Variants in RAP2A observed in about 807,000 individuals in gnomAD.
The protein encoded by RAP2A is RAP2A, member of RAS oncogene family.
In RAP2A, 5 loss-of-function variants were observed where a neutral mutation model predicts 15.1. The ratio of observed to expected loss-of-function variants is 0.33; its 90% CI spans 0.17 to 0.70. The LOEUF is 0.70. RAP2A is among the 30% of genes least tolerant of loss of function. RAP2A has a pLI of 0.68. For synonymous variants in RAP2A, 110 were observed against 99.7 expected (o/e 1.10, Z -0.62); for missense variants, 111 against 240.3 (o/e 0.46, Z 3.56).
chr13:97,463,302 CATCTTA>C (rs2066756215), intron 1 of RAP2A, among the ~76,000 whole-genome samples: 1 of 152,196 alleles, frequency 6.6e-6, no homozygotes, highest in African/African-American at 2.4e-5. Context: ...TAGAGACAAT[CATCTTA>C]GGCACCAAAA....
chr13:97,452,912 T>C (rs1165580299), intron 1 of RAP2A, among the ~76,000 whole-genome samples: 1 of 151,424 alleles, frequency 6.6e-6, no homozygotes, highest in East Asian at 1.9e-4. Flanking sequence ...CTGTAAATGG[T>C]TCATTTTAAA....
chr13:97,440,184 A>G (rs2066651408), intron 1 of RAP2A, among the ~76,000 whole-genome samples: 1 of 152,144 alleles, frequency 6.6e-6, no homozygotes, highest in Non-Finnish European at 1.5e-5. Context: ...CAGTACCAAA[A>G]CTTAATTCAA....
rs2066771699 is a variant in RAP2A, at chr13:97,466,370, G to A, written c.*1928G>A. On this transcript the variant is annotated 3_prime_UTR_variant, in exon 2 of 2. Transcript: ENST00000245304. ...TCAATTATGAACCACCTTGTTTATA[G>A]GACAAAAAAATTTAACCAATTTTAT... 1 of 151,916 alleles carries A rather than the reference G, an allele frequency of 6.6e-6. No individual in the cohort carries two copies. Among genetic ancestry groups the A allele is most frequent in the Non-Finnish European group, 1.5e-5 (1 of 67,978 alleles). The allele number at this position is 151,916 out of a possible 1,614,324, so 9.4% of individuals were successfully genotyped here. A position where few individuals can be genotyped will look rare whatever the true frequency, so the allele number is the denominator to read the frequency against.
intron 1 of RAP2A, among the ~76,000 whole-genome samples, chr13:97,457,273 T>TAA (rs763234190): frequency 6.6e-6 from 1 of 151,780 alleles, no homozygotes; most frequent in Non-Finnish European, 1.5e-5. Context: ...TATATATATA[T>TAA]AATGCATACC....
At position 97,466,727 on chromosome 13, in the gene RAP2A, G is replaced by A. The variant is rs2066773229; in HGVS notation, c.*2285G>A. 1.3e-5 allele frequency: 2 copies of A among 152,190 alleles called. No individual in the cohort carries two copies. Among genetic ancestry groups the A allele is most frequent in the African/African-American group, 4.8e-5 (2 of 41,444 alleles). The allele number at this position is 152,190 out of a possible 1,614,324, so 9.4% of individuals were successfully genotyped here. A position where few individuals can be genotyped will look rare whatever the true frequency, so the allele number is the denominator to read the frequency against. Reference sequence around the variant, plus strand: ...CCTAAAATTTTGAGTTGTATTAATAGTTAAAAACATTTGTGTCAGATGACA... The same window carrying A: ...CCTAAAATTTTGAGTTGTATTAATAATTAAAAACATTTGTGTCAGATGACA... On this transcript the variant is annotated 3_prime_UTR_variant, in exon 2 of 2. Transcript: ENST00000245304.
intron 1 of RAP2A, among the ~76,000 whole-genome samples, chr13:97,440,283 T>C (rs2066651886): frequency 6.6e-6 from 1 of 152,100 alleles, no homozygotes; most frequent in South Asian, 2.1e-4. Context: ...AGGAAAAATT[T>C]TTAATAATAA....
At chr13:97,462,545 T>C (rs1016990707) in intron 1 of RAP2A, among the ~76,000 whole-genome samples, 1 of 152,220 alleles carries the variant, frequency 6.6e-6, no homozygotes, top group Admixed American at 6.5e-5. Flanking sequence ...TTGTGTCTTA[T>C]GTTCAGAGCT....
Position 97,464,557 on chromosome 13 carries a change from A to T in RAP2A, c.*115A>T. 1.0e-6 allele frequency: 1 copy of T among 959,046 alleles called. No individual in the cohort carries two copies. The highest frequency in any genetic ancestry group is 1.6e-6 in the Non-Finnish European group (1 of 619,512). 59.4% of individuals were successfully genotyped at this position (959,046 alleles called of 1,614,324 possible). On this transcript the variant is annotated 3_prime_UTR_variant, in exon 2 of 2. Transcript: ENST00000245304. ...GTGGTGTTAATCTACAGAGAACTGC[A>T]GCCCTTATTCAGAATTGAGCAGTGA...
At chr13:97,461,984 ATATATT>A (rs2066748539) in intron 1 of RAP2A, among the ~76,000 whole-genome samples, 2 of 144,216 alleles carry the variant, frequency 1.4e-5, no homozygotes, top group African/African-American at 2.5e-5. Flanking sequence ...ATATATATAT[ATATATT>A]TATATATTTA....
intron 1 of RAP2A, among the ~76,000 whole-genome samples, chr13:97,441,491 C>G (rs2066657395): frequency 6.6e-6 from 1 of 151,980 alleles, no homozygotes; most frequent in Admixed American, 6.6e-5. Context: ...TTACATATGG[C>G]ACAATAAGGT....
chr13:97,434,934 C>T, intron 1 of RAP2A, 150 bp downstream of exon 1: 1 of 1,221,046 alleles, frequency 8.2e-7, no homozygotes, highest in South Asian at 1.6e-5. Flanking sequence ...TCCTCCTCCT[C>T]AATCTCAAAT....
intron 1 of RAP2A, among the ~76,000 whole-genome samples, chr13:97,443,857 G>A (rs1171370911): frequency 6.6e-6 from 1 of 152,136 alleles, no homozygotes; most frequent in Non-Finnish European, 1.5e-5. Context: ...TATGTAATTA[G>A]GAGCAAGTTG....
At chr13:97,454,242 G>T (rs1256286904) in intron 1 of RAP2A, among the ~76,000 whole-genome samples, 2 of 150,938 alleles carry the variant, frequency 1.3e-5, no homozygotes, top group South Asian at 4.2e-4. Flanking sequence ...TGATAGCATG[G>T]ATGTAGGTCT....
rs79654949 is a variant in RAP2A, at chr13:97,459,956, A to G, written c.315-4249A>G. On this transcript the variant is annotated intron_variant, in intron 1 of 1. Coordinates refer to ENST00000245304, the MANE Select transcript of RAP2A (RefSeq NM_021033.7). ...GGATGGATAAGTACATGATGTATTG[A>G]TTGTTCGATTGTTCATTACTAGCTA... 3.2e-3 allele frequency among the ~76,000 whole-genome samples: 484 copies of G among 152,266 alleles called. 2 individuals are homozygous for G. Among genetic ancestry groups the G allele is most frequent in the Non-Finnish European group, 5.6e-3 (380 of 68,018 alleles).
intron 1 of RAP2A, among the ~76,000 whole-genome samples, chr13:97,445,834 A>T (rs1199980650): frequency 6.6e-6 from 1 of 152,196 alleles, no homozygotes; most frequent in Non-Finnish European, 1.5e-5. Flanking sequence ...TAATTATGGT[A>T]GGATGCCTCC....
intron 1 of RAP2A, among the ~76,000 whole-genome samples, chr13:97,448,686 G>T (rs374368556): frequency 1.3e-5 from 2 of 152,176 alleles, no homozygotes; most frequent in African/African-American, 4.8e-5. Context: ...ACCAAATTGT[G>T]GTTGGCCTGG....
chr13:97,460,869 G>A (rs2066743626), intron 1 of RAP2A, among the ~76,000 whole-genome samples: 2 of 152,134 alleles, frequency 1.3e-5, no homozygotes, highest in Admixed American at 6.5e-5. Flanking sequence ...TGGCTGCTTT[G>A]TTGTTTTTGA....
rs1198772557 is a variant in RAP2A, at chr13:97,467,877, AGTT to A, written c.*3439_*3441del. 1 of 152,656 alleles carries A rather than the reference AGTT, an allele frequency of 6.6e-6. No homozygotes were observed. Among genetic ancestry groups the A allele is most frequent in the African/African-American group, 2.4e-5 (1 of 41,452 alleles). The allele number at this position is 152,656 out of a possible 1,614,324, so 9.5% of individuals were successfully genotyped here. ...AAGTTTATTGTTTTGTAACAATGTC[AGTT>A]GTTAAACCTTGACATTTCAATTAAA... On this transcript the variant is annotated 3_prime_UTR_variant, in exon 2 of 2. Coordinates refer to ENST00000245304, the MANE Select transcript of RAP2A (RefSeq NM_021033.7).
intron 1 of RAP2A, among the ~76,000 whole-genome samples, chr13:97,443,210 A>C (rs2153179300): frequency 6.6e-6 from 1 of 152,334 alleles, no homozygotes; most frequent in East Asian, 1.9e-4. Context: ...AAAATCACTT[A>C]GTAAAGTTAC....
Sources: allele counts gnomAD v4.1 joint callset (sites outside exome capture counted in the v4.1 genomes callset), GRCh38; gene constraint gnomAD v4.1.1; transcripts MANE v1.5; gene names NCBI Gene and HGNC (gene_info 2026-07-23, HGNC 2026-07-21).